The following PRKCB variants were observed in gnomAD, a reference collection of about 807,000 sequenced individuals.
PRKCB encodes protein kinase C beta.
In PRKCB, 13 loss-of-function variants were observed where a neutral mutation model predicts 81.5. That is an observed-to-expected ratio of 0.16 (90% CI 0.10 to 0.25). PRKCB has a LOEUF of 0.25. PRKCB is among the 10% of genes least tolerant of loss of function. The pLI is 1.00. For synonymous variants in PRKCB, 335 were observed against 321.4 expected (o/e 1.04, Z -0.45); for missense variants, 509 against 875.7 (o/e 0.58, Z 5.29).
intron 2 of PRKCB, among the ~76,000 whole-genome samples, chr16:23,854,414 C>T (rs1282488494): frequency 2.0e-5 from 3 of 152,140 alleles, no homozygotes; most frequent in Admixed American, 2.0e-4. Flanking sequence ...GTAATTTGGG[C>T]TGGGCTCAGC....
At chr16:23,989,218 C>T (rs776834424) in intron 3 of PRKCB, among the ~76,000 whole-genome samples, 8 of 152,308 alleles carry the variant, frequency 5.3e-5, no homozygotes, top group Non-Finnish European at 1.2e-4. Context: ...GCCGCCTCGG[C>T]CTCCCAAAGT....
chr16:24,118,140 G>A (rs1421295312), intron 8 of PRKCB, among the ~76,000 whole-genome samples: 3 of 152,216 alleles, frequency 2.0e-5, no homozygotes, highest in African/African-American at 4.8e-5. Flanking sequence ...GAGCCAGACT[G>A]CCTAGATTTG....
intron 2 of PRKCB, among the ~76,000 whole-genome samples, chr16:23,872,524 A>G (rs1257321303): frequency 6.6e-6 from 1 of 152,136 alleles, no homozygotes; most frequent in Non-Finnish European, 1.5e-5. Flanking sequence ...CTTTATCTAA[A>G]AAACAAGAAA....
chr16:24,011,895 C>T (rs8058000), intron 3 of PRKCB, among the ~76,000 whole-genome samples: 46,259 of 151,986 alleles, frequency 0.3, 7,190 homozygotes, highest in South Asian at 0.36. Context: ...ATAAGTTAAC[C>T]TATGCAAAGA....
rs186836826 is a variant in PRKCB, at chr16:23,958,768, C to G, written c.206-29740C>G. Among the ~76,000 whole-genome samples, 417 of 149,372 alleles carry G rather than the reference C, an allele frequency of 2.8e-3. 2 individuals carry two copies. Among genetic ancestry groups the G allele is most frequent in the African/African-American group, 0.01 (406 of 40,406 alleles). On this transcript the variant is annotated intron_variant, in intron 2 of 16. Coordinates refer to ENST00000643927, the MANE Select transcript of PRKCB (RefSeq NM_002738.7). ...TCCCTTCCACCCCCTCTTCTTATTC[C>G]TCCTCCTTCTCCTCATTATTATTTT...
chr16:23,927,215 T>C (rs1369461093), intron 2 of PRKCB, among the ~76,000 whole-genome samples: 1 of 151,966 alleles, frequency 6.6e-6, no homozygotes, highest in Non-Finnish European at 1.5e-5. Flanking sequence ...ACCTTAAGGA[T>C]GACAGGTTTA....
At chr16:24,101,463 C>T (rs1360314477) in intron 7 of PRKCB, among the ~76,000 whole-genome samples, 1 of 152,188 alleles carries the variant, frequency 6.6e-6, no homozygotes, top group Non-Finnish European at 1.5e-5. Flanking sequence ...CACTTGGGCC[C>T]AGGAGGTTGA....
intron 2 of PRKCB, among the ~76,000 whole-genome samples, chr16:23,914,998 G>A (rs942768434): frequency 6.6e-6 from 1 of 152,230 alleles, no homozygotes; most frequent in Non-Finnish European, 1.5e-5. Flanking sequence ...TGGGGGCTGT[G>A]AAGCCCCTCT....
At chr16:23,949,321 C>G (rs1221045106) in intron 2 of PRKCB, among the ~76,000 whole-genome samples, 2 of 152,228 alleles carry the variant, frequency 1.3e-5, no homozygotes, top group Admixed American at 1.3e-4. Flanking sequence ...GACCTTGCCT[C>G]AAGCTCAGAA....
At chr16:24,091,600 C>G (rs753541918) in intron 5 of PRKCB, among the ~76,000 whole-genome samples, 1 of 151,774 alleles carries the variant, frequency 6.6e-6, no homozygotes, top group Non-Finnish European at 1.5e-5. Flanking sequence ...TCCCTGCCTC[C>G]TTTTCTCCTG....
intron 9 of PRKCB, among the ~76,000 whole-genome samples, chr16:24,137,137 C>T (rs1224086031): frequency 6.6e-6 from 1 of 151,894 alleles, no homozygotes; most frequent in Non-Finnish European, 1.5e-5. Flanking sequence ...GATCCATCTG[C>T]CTTGGCCTCC....
At chr16:24,189,083 T>C (rs1355793383) in intron 15 of PRKCB, among the ~76,000 whole-genome samples, 1 of 151,856 alleles carries the variant, frequency 6.6e-6, no homozygotes, top group Admixed American at 6.6e-5. Flanking sequence ...TCCATAAACC[T>C]CTCCTGACAA....
intron 2 of PRKCB, among the ~76,000 whole-genome samples, chr16:23,988,011 G>A (rs1032191446): frequency 2.0e-5 from 3 of 152,132 alleles, no homozygotes; most frequent in South Asian, 4.1e-4. Flanking sequence ...TTAGATTGAC[G>A]TTGCTTTTGG....
chr16:23,921,966 G>A (rs2141746418), intron 2 of PRKCB, among the ~76,000 whole-genome samples: 1 of 152,266 alleles, frequency 6.6e-6, no homozygotes, highest in African/African-American at 2.4e-5. Flanking sequence ...AAGACTTAGG[G>A]AAAGGGCAGA....
chr16:24,003,321 C>T (rs1413768229), intron 3 of PRKCB, among the ~76,000 whole-genome samples: 3 of 151,802 alleles, frequency 2.0e-5, no homozygotes, highest in Non-Finnish European at 2.9e-5. Flanking sequence ...CTGCAAACAT[C>T]GTTACAGTTG....
intron 16 of PRKCB, among the ~76,000 whole-genome samples, chr16:24,210,037 G>A (rs893426647): frequency 6.6e-6 from 1 of 152,084 alleles, no homozygotes; most frequent in East Asian, 1.9e-4. Context: ...GATTGCTTGA[G>A]CCCAGGAGTT....
intron 16 of PRKCB, among the ~76,000 whole-genome samples, chr16:24,197,066 T>C (rs975901525): frequency 1.3e-5 from 2 of 152,174 alleles, no homozygotes; most frequent in African/African-American, 4.8e-5. Flanking sequence ...GATATTGAGT[T>C]ATCCATTCAG....
In PRKCB at chr16:24,218,875, G is replaced by C. The variant is rs1024972488; in HGVS notation, c.*4059G>C. ...CCATGGGGTTGTCCCTCCAGTCCGA[G>C]AGACTGTGATGAGGCCTACATAGCA... On this transcript the variant is annotated 3_prime_UTR_variant, in exon 17 of 17. Coordinates refer to ENST00000643927, the MANE Select transcript of PRKCB (RefSeq NM_002738.7). The C allele has an allele frequency of 1.4e-5, 14 of 985,340 alleles. No individual in the cohort carries two copies. In the East Asian group the frequency reaches 1.6e-3, roughly 112 times the overall value. 61.0% of individuals were successfully genotyped at this position (985,340 alleles called of 1,614,324 possible). A position where few individuals can be genotyped will look rare whatever the true frequency, so the allele number is the denominator to read the frequency against.
intron 5 of PRKCB, among the ~76,000 whole-genome samples, chr16:24,042,849 C>T (rs527938463): frequency 2.7e-4 from 41 of 151,974 alleles, no homozygotes; most frequent in Non-Finnish European, 4.1e-4. Context: ...TTGATTCTCC[C>T]ACCTCAGCCT....
Sources: gnomAD v4.1 joint callset for allele counts (sites outside exome capture counted in the v4.1 genomes callset) on GRCh38, gnomAD v4.1.1 for gene constraint, MANE v1.5 for transcripts, NCBI Gene and HGNC (gene_info 2026-07-23, HGNC 2026-07-21) for gene names.